The following ARIH2 variants were observed in gnomAD, a reference collection of about 807,000 sequenced individuals.
ARIH2 encodes the protein ariadne RBR E3 ubiquitin protein ligase 2.
ARIH2 carries 12 observed loss-of-function variants against 79.8 expected under a neutral mutation model. The observed-to-expected ratio is 0.15, with a 90% CI of 0.10 to 0.24. The LOEUF is 0.24. Ranked by LOEUF, ARIH2 falls within the 10% of genes least tolerant of loss-of-function variation. ARIH2 has a pLI of 1.00. For synonymous variants in ARIH2, 224 were observed against 213.9 expected (o/e 1.05, Z -0.41); for missense variants, 301 against 618.3 (o/e 0.49, Z 5.44).
At chr3:48,980,262 C>T in intron 12 of ARIH2, 91 bp from the exon 13 acceptor site, 2 of 1,378,128 alleles carry the variant, frequency 1.5e-6, no homozygotes, top group Non-Finnish European at 2.0e-6. Context: ...TGGCCATGTC[C>T]TGCCAGCAAG....
Position 48,974,854 on chromosome 3 carries a change from G to A in ARIH2, c.926G>A (p.Gly309Asp). The change falls in exon 10 of 16, where the codon GGC becomes GAC. Residue 309 changes from glycine to aspartate, a missense_variant. This residue lies in a region of ARIH2 where 78 missense variants were observed against 268.9 expected (regional missense o/e 0.29). Transcript: ENST00000356401. ...AACATCTGCATTGAGAAGAATGGAG[G>A]CTGCAATCACATGGTGAGCAGAAGC... The part of the protein sequence containing the change: ...KCNICIEKNG[G>D]CNHMQCSKCK... 1 of 1,613,978 alleles carries A rather than the reference G, an allele frequency of 6.2e-7. No homozygotes were observed. The highest frequency in any genetic ancestry group is 8.5e-7 in the Non-Finnish European group (1 of 1,180,050).
rs368216552 is a variant in ARIH2, at chr3:48,958,450, G to A, written c.256-3162G>A. On this transcript the variant is annotated intron_variant, in intron 3 of 15. Transcript: ENST00000356401. Reference sequence around the variant, plus strand: ...AGATAGGCCGGGCACGGTGGCTCACGCCTGTAATCCCAGCACTTTGGGAGG... The same window carrying A: ...AGATAGGCCGGGCACGGTGGCTCACACCTGTAATCCCAGCACTTTGGGAGG... Among the ~76,000 whole-genome samples, 84 of 152,120 alleles carry A rather than the reference G, an allele frequency of 5.5e-4. 1 individual carries two copies. The highest frequency in any genetic ancestry group is 6.8e-3 in the Middle Eastern group (2 of 294).
At chr3:48,956,405 C>G (rs1038049168) in intron 3 of ARIH2, among the ~76,000 whole-genome samples, 4 of 132,078 alleles carry the variant, frequency 3.0e-5, no homozygotes, top group Non-Finnish European at 4.6e-5. Flanking sequence ...TCCCAAAGTG[C>G]TGGGGTTACA....
intron 8 of ARIH2, among the ~76,000 whole-genome samples, chr3:48,971,698 G>A (rs905919479): frequency 2.0e-5 from 3 of 152,190 alleles, no homozygotes; most frequent in African/African-American, 7.2e-5. Context: ...ATGTGTGTGT[G>A]TACGCACATG....
intron 3 of ARIH2, among the ~76,000 whole-genome samples, chr3:48,929,851 A>G (rs1648603567): frequency 6.6e-6 from 1 of 152,152 alleles, no homozygotes; most frequent in Admixed American, 6.5e-5. Context: ...TCCCTGATAC[A>G]TTTTGTTTCC....
Position 48,927,542 on chromosome 3 carries a change from C to T in ARIH2, c.-17C>T, listed in dbSNP as rs368546756. ...AAGCAACTGCTTTCCTGATCTGCAA[C>T]TTGGCTGGATGCTAAGATGTCAGTG... On this transcript the variant is annotated 5_prime_UTR_variant, in exon 3 of 16. Coordinates refer to ENST00000356401, the MANE Select transcript of ARIH2 (RefSeq NM_006321.4). The T allele has an allele frequency of 3.1e-6, 5 of 1,610,134 alleles. No individual in the cohort carries two copies. The African/African-American group carries it at 6.7e-5, about 22-fold the overall frequency.
chr3:48,949,930 CTTTAT>C (rs1203270251), intron 3 of ARIH2, among the ~76,000 whole-genome samples: 4 of 150,652 alleles, frequency 2.7e-5, no homozygotes, highest in Admixed American at 2.6e-4. Context: ...TCCAGTTTAT[CTTTAT>C]TTTCTTTTTT....
chr3:48,936,944 C>T (rs567694878), intron 3 of ARIH2, among the ~76,000 whole-genome samples: 3 of 151,946 alleles, frequency 2.0e-5, no homozygotes, highest in Admixed American at 1.3e-4. Flanking sequence ...AGGAGAATGG[C>T]GTGAACCCGG....
chr3:48,952,456 T>C (rs1314255108), intron 3 of ARIH2, among the ~76,000 whole-genome samples: 2 of 152,134 alleles, frequency 1.3e-5, no homozygotes, highest in East Asian at 3.8e-4. Flanking sequence ...GCAAGAATTG[T>C]GTTATTATTA....
chr3:48,958,447 C>G (rs913645800), intron 3 of ARIH2, among the ~76,000 whole-genome samples: 1 of 152,164 alleles, frequency 6.6e-6, no homozygotes, highest in African/African-American at 2.4e-5. Context: ...CACGGTGGCT[C>G]ACGCCTGTAA....
intron 3 of ARIH2, chr3:48,934,699 AAGGCGATG>A: frequency 1.0e-6 from 1 of 985,438 alleles, no homozygotes; most frequent in Non-Finnish European, 1.2e-6. Flanking sequence ...TCATTTTTAA[AAGGCGATG>A]AGAAATGTCC....
chr3:48,974,783 G>A lies in ARIH2; in HGVS notation c.889-34G>A. ...TTTGTCTTAAAACCAACCTGGTGGT[G>A]TGTGAGCCTAATGGCACCCTTCTGT... On this transcript the variant is annotated intron_variant, in intron 9 of 15. Coordinates refer to ENST00000356401, the MANE Select transcript of ARIH2 (RefSeq NM_006321.4). The A allele has an allele frequency of 1.9e-6, 3 of 1,611,606 alleles. No individual in the cohort carries two copies. The South Asian group carries it at 3.3e-5, about 18-fold the overall frequency.
At chr3:48,972,606 T>G (rs551984695) in intron 8 of ARIH2, among the ~76,000 whole-genome samples, 32 of 152,230 alleles carry the variant, frequency 2.1e-4, no homozygotes, top group African/African-American at 7.0e-4. Context: ...ATCATGCCAT[T>G]GCACTCCAGC....
intron 2 of ARIH2, among the ~76,000 whole-genome samples, chr3:48,925,992 A>G (rs1266300360): frequency 6.6e-6 from 1 of 152,134 alleles, no homozygotes; most frequent in African/African-American, 2.4e-5. Flanking sequence ...TGCTGGGATT[A>G]CAGGCGTGAG....
intron 3 of ARIH2, among the ~76,000 whole-genome samples, chr3:48,951,395 A>G (rs982243430): frequency 2.0e-5 from 3 of 151,906 alleles, no homozygotes; most frequent in African/African-American, 4.8e-5. Flanking sequence ...TTTTGTGTCT[A>G]TGTCTGTGGA....
chr3:48,937,280 T>C (rs2087288549), intron 3 of ARIH2, among the ~76,000 whole-genome samples: 2 of 152,224 alleles, frequency 1.3e-5, no homozygotes, highest in South Asian at 4.1e-4. Context: ...TAGATAACCT[T>C]GCCTCTTTTT....
chr3:48,962,499 C>A (rs2091376105), intron 4 of ARIH2, among the ~76,000 whole-genome samples: 1 of 152,170 alleles, frequency 6.6e-6, no homozygotes, highest in South Asian at 2.1e-4. Flanking sequence ...ACCTTAGAGT[C>A]TCAAGATGTC....
At chr3:48,937,027 CA>C (rs1205479787) in intron 3 of ARIH2, among the ~76,000 whole-genome samples, 19 of 136,840 alleles carry the variant, frequency 1.4e-4, no homozygotes, top group Non-Finnish European at 9.5e-5. Flanking sequence ...GACTCCGTCT[CA>C]AAAAAAAAAA....
rs750147597 is a variant in ARIH2, at chr3:48,918,899, C to T, written c.-261C>T. Reference sequence around the variant, plus strand: ...AGCGCGGGCTTGACCGGCGTCGGCCCGCCGCCTCCGCTGCCGCTTCGCCCC... The same window carrying T: ...AGCGCGGGCTTGACCGGCGTCGGCCTGCCGCCTCCGCTGCCGCTTCGCCCC... On this transcript the variant is annotated 5_prime_UTR_variant, in exon 1 of 16. Coordinates refer to ENST00000356401, the MANE Select transcript of ARIH2 (RefSeq NM_006321.4). 7 of 1,601,418 alleles carry T rather than the reference C, an allele frequency of 4.4e-6. No individual in the cohort carries two copies. The South Asian group carries it at 6.6e-5, about 15-fold the overall frequency.
Sources: allele counts gnomAD v4.1 joint callset (sites outside exome capture counted in the v4.1 genomes callset), GRCh38; gene constraint gnomAD v4.1.1; regional missense constraint gnomAD v4.1.1; transcripts MANE v1.5; gene names NCBI Gene and HGNC (gene_info 2026-07-23, HGNC 2026-07-21).